TYW1: variants seen among roughly 807,000 people sequenced by gnomAD.
TYW1 encodes the protein S-adenosyl-L-methionine-dependent tRNA 4-demethylwyosine synthase TYW1.
TYW1 carries 46 observed loss-of-function variants against 96.2 expected under a neutral mutation model. That is an observed-to-expected ratio of 0.48 (90% CI 0.38 to 0.61). TYW1 has a LOEUF of 0.61. Among genes scored for constraint, TYW1 ranks in the 20% least tolerant of loss-of-function variants. The pLI is 0.00. For missense variants in TYW1, 684 were observed against 909.6 expected (o/e 0.75, Z 3.19); for synonymous variants, 274 against 323.0 (o/e 0.85, Z 1.63).
chr7:67,156,557 G>A (rs1186226795), intron 13 of TYW1, among the ~76,000 whole-genome samples: 2 of 152,166 alleles, frequency 1.3e-5, no homozygotes, highest in Non-Finnish European at 2.9e-5. Flanking sequence ...TAGTCATCCT[G>A]GTGTGTTGGC....
chr7:67,164,453 C>A (rs1213619758), intron 13 of TYW1, among the ~76,000 whole-genome samples: 1 of 151,036 alleles, frequency 6.6e-6, no homozygotes, highest in Non-Finnish European at 1.5e-5. Flanking sequence ...CTAAAAAATA[C>A]AAAAAAAATT....
At chr7:67,063,430 TAGTC>T (rs1181539189) in intron 9 of TYW1, among the ~76,000 whole-genome samples, 2 of 152,208 alleles carry the variant, frequency 1.3e-5, no homozygotes, top group East Asian at 3.8e-4. Context: ...CCACTGGAAT[TAGTC>T]AAGAAAAAGA....
chr7:67,199,906 GAA>G (rs1800532682), intron 15 of TYW1, among the ~76,000 whole-genome samples: 1 of 141,734 alleles, frequency 7.1e-6, no homozygotes, highest in South Asian at 2.3e-4. Flanking sequence ...CATCAAGAAA[GAA>G]AGAGAGAGAG....
Position 67,098,541 on chromosome 7 carries a change from G to C in TYW1, c.1385G>C (p.Gly462Ala), listed in dbSNP as rs2261015. Residue 462 changes from glycine (G) to alanine (A), a missense_variant and splice_region_variant, in exon 12 of 16, where the codon GGA (glycine) becomes GCA (alanine). Physicochemically the swap from Gly to Ala is moderately conservative, Grantham distance 60. Coordinates refer to ENST00000359626, the MANE Select transcript of TYW1 (RefSeq NM_018264.4). Reference protein sequence around the residue: ...NHQNMIKQFKGVPGVKAERFE... With the variant: ...NHQNMIKQFKAVPGVKAERFE... Reference sequence around the variant, plus strand: ...GGGTCCTTCTCACTGTATTCTCCAGGAGTACCGGGCGTCAAAGCAGAACGC... The same window carrying C: ...GGGTCCTTCTCACTGTATTCTCCAGCAGTACCGGGCGTCAAAGCAGAACGC... 6.4e-7 allele frequency: 1 copy of C among 1,573,972 alleles called. No individual in the cohort carries two copies. Among genetic ancestry groups the C allele is most frequent in the Non-Finnish European group, 8.6e-7 (1 of 1,156,356 alleles).
At chr7:67,038,503 G>A (rs1458549962) in intron 7 of TYW1, among the ~76,000 whole-genome samples, 1 of 152,074 alleles carries the variant, frequency 6.6e-6, no homozygotes, top group Non-Finnish European at 1.5e-5. Context: ...CTACTTGGGA[G>A]GCTGAGGTGG....
At chr7:67,092,674 C>CTTTTTTTT (rs3980762) in intron 11 of TYW1, among the ~76,000 whole-genome samples, 1 of 92,448 alleles carries the variant, frequency 1.1e-5, no homozygotes, top group African/African-American at 3.9e-5. Context: ...CTATCACCTT[C>CTTTTTTTT]TTTTTTTTTT....
chr7:67,218,367 T>A (rs533350733), intron 15 of TYW1, among the ~76,000 whole-genome samples: 2 of 151,686 alleles, frequency 1.3e-5, no homozygotes, highest in Non-Finnish European at 1.5e-5. Flanking sequence ...TTATTTTTTT[T>A]TTTTGAGATG....
At chr7:67,182,470 A>G (rs1399350547) in intron 13 of TYW1, among the ~76,000 whole-genome samples, 1 of 152,294 alleles carries the variant, frequency 6.6e-6, no homozygotes, top group Non-Finnish European at 1.5e-5. Flanking sequence ...AAGCTGAGGC[A>G]GGAGGATCAC....
chr7:67,015,518 A>G (rs1793985119), intron 5 of TYW1, among the ~76,000 whole-genome samples: 1 of 151,870 alleles, frequency 6.6e-6, no homozygotes, highest in Non-Finnish European at 1.5e-5. Context: ...CCCCTGGCTA[A>G]TCTTTCAATT....
At chr7:67,116,394 A>T (rs1337957650) in intron 12 of TYW1, among the ~76,000 whole-genome samples, 1 of 151,830 alleles carries the variant, frequency 6.6e-6, no homozygotes, top group South Asian at 2.1e-4. Flanking sequence ...ACTTGCAAGA[A>T]ATCTAGTAGG....
chr7:67,224,784 G>C (rs911735397), intron 15 of TYW1, among the ~76,000 whole-genome samples: 9 of 152,154 alleles, frequency 5.9e-5, no homozygotes, highest in African/African-American at 2.2e-4. Flanking sequence ...ATTTATTAAG[G>C]TTACCGTGGT....
At chr7:67,002,496 T>G (rs1019888141) in intron 3 of TYW1, among the ~76,000 whole-genome samples, 9 of 152,230 alleles carry the variant, frequency 5.9e-5, no homozygotes, top group Admixed American at 1.3e-4. Context: ...TCTTCCAGCA[T>G]GTTAGTATTG....
At chr7:67,148,995 C>T (rs1253562948) in intron 13 of TYW1, among the ~76,000 whole-genome samples, 4 of 152,104 alleles carry the variant, frequency 2.6e-5, no homozygotes, top group East Asian at 1.9e-4. Context: ...AAGAAGTCAT[C>T]GCGCACCACC....
At chr7:67,203,897 C>G (rs13242546) in intron 15 of TYW1, among the ~76,000 whole-genome samples, 2 of 151,940 alleles carry the variant, frequency 1.3e-5, no homozygotes, top group South Asian at 4.2e-4. Flanking sequence ...ATGTTTTTGG[C>G]AGGTAAAGTA....
At chr7:67,029,192 G>A (rs1162191724) in intron 7 of TYW1, among the ~76,000 whole-genome samples, 1 of 151,460 alleles carries the variant, frequency 6.6e-6, no homozygotes, top group African/African-American at 2.4e-5. Context: ...TAGAGACGGG[G>A]TTTCACCGTG....
intron 10 of TYW1, among the ~76,000 whole-genome samples, chr7:67,069,395 T>G (rs1795966123): frequency 6.6e-6 from 1 of 152,222 alleles, no homozygotes; most frequent in Admixed American, 6.5e-5. Flanking sequence ...AATTGCTGTT[T>G]TATACATTTG....
At chr7:67,164,684 C>CAA (rs140831379) in intron 13 of TYW1, among the ~76,000 whole-genome samples, 1 of 151,420 alleles carries the variant, frequency 6.6e-6, no homozygotes. Flanking sequence ...GAACGAGGTA[C>CAA]AAAAAATAAG....
intron 14 of TYW1, among the ~76,000 whole-genome samples, chr7:67,192,405 C>T (rs1407609013): frequency 1.3e-5 from 2 of 152,068 alleles, no homozygotes; most frequent in Non-Finnish European, 2.9e-5. Context: ...GCTGTTCTCA[C>T]GAAGACAAGA....
chr7:67,078,652 C>G (rs1361611588), intron 10 of TYW1, among the ~76,000 whole-genome samples: 1 of 152,012 alleles, frequency 6.6e-6, no homozygotes, highest in East Asian at 1.9e-4. Flanking sequence ...TGTGTGTGCT[C>G]TCTTCAATTT....
Sources: gnomAD v4.1 joint callset for allele counts (sites outside exome capture counted in the v4.1 genomes callset) on GRCh38, gnomAD v4.1.1 for gene constraint, MANE v1.5 for transcripts, NCBI Gene and HGNC (gene_info 2026-07-23, HGNC 2026-07-21) for gene names.